EPB41L2: variants seen among roughly 807,000 people sequenced by gnomAD.
The protein encoded by EPB41L2 is erythrocyte membrane protein band 4.1 like 2.
In EPB41L2, 43 loss-of-function variants were observed where a neutral mutation model predicts 113.0. The ratio of observed to expected loss-of-function variants is 0.38; its 90% CI spans 0.30 to 0.49. The LOEUF (loss-of-function observed/expected upper bound fraction) is 0.49. Ranked by LOEUF, EPB41L2 falls within the 20% of genes least tolerant of loss-of-function variation. EPB41L2 has a pLI of 0.95. For synonymous variants in EPB41L2, 442 were observed against 436.7 expected (o/e 1.01, Z -0.15); for missense variants, 1,147 against 1,223.4 (o/e 0.94, Z 0.93).
chr6:131,051,143 C>T (rs1796431951), intron 1 of EPB41L2, among the ~76,000 whole-genome samples: 1 of 151,838 alleles, frequency 6.6e-6, no homozygotes, highest in Non-Finnish European at 1.5e-5. Flanking sequence ...GCTTCTTGAC[C>T]AATAACATAT....
intron 3 of EPB41L2, among the ~76,000 whole-genome samples, chr6:130,949,347 A>AC (rs1479650872): frequency 6.6e-6 from 1 of 152,188 alleles, no homozygotes; most frequent in Non-Finnish European, 1.5e-5. Flanking sequence ...CATGCCTGTA[A>AC]TCCCAGCACC....
intron 3 of EPB41L2, among the ~76,000 whole-genome samples, chr6:130,950,215 T>C (rs1301976875): frequency 1.3e-5 from 2 of 152,060 alleles, no homozygotes; most frequent in African/African-American, 4.8e-5. Flanking sequence ...AGCACAGTTA[T>C]CCCAAAGAAA....
intron 14 of EPB41L2, among the ~76,000 whole-genome samples, chr6:130,873,291 C>CATTAAAGCAAATTTAACT (rs1786351805): frequency 6.6e-6 from 1 of 152,098 alleles, no homozygotes; most frequent in East Asian, 1.9e-4. Flanking sequence ...TAAATTAAAC[C>CATTAAAGCAAATTTAACT]ATTAAAGCAA....
At chr6:130,894,534 C>T (rs2128486457) in intron 9 of EPB41L2, 93 bp from the exon 10 acceptor site, 1 of 1,109,608 alleles carries the variant, frequency 9.0e-7, no homozygotes, top group Non-Finnish European at 1.4e-6. Flanking sequence ...CTGTGAGAAG[C>T]AATTATTCTT....
At chr6:130,845,033 C>T (rs12208421) in intron 19 of EPB41L2, among the ~76,000 whole-genome samples, 8,423 of 152,304 alleles carry the variant, frequency 0.055, 317 homozygotes, top group Non-Finnish European at 0.084. Context: ...CAGAACGAGA[C>T]TGTCTCAAAT....
At chr6:130,973,891 C>G (rs1482373239) in intron 1 of EPB41L2, among the ~76,000 whole-genome samples, 1 of 152,126 alleles carries the variant, frequency 6.6e-6, no homozygotes, top group African/African-American at 2.4e-5. Flanking sequence ...CACTTTCAAC[C>G]TTTTTTCTGA....
intron 11 of EPB41L2, among the ~76,000 whole-genome samples, chr6:130,890,089 G>A (rs1792292724): frequency 6.6e-6 from 1 of 152,012 alleles, no homozygotes; most frequent in Non-Finnish European, 1.5e-5. Context: ...AAAAAAGTGT[G>A]ACAGCTTCAA....
At chr6:130,924,305 A>G (rs1803883086) in intron 4 of EPB41L2, among the ~76,000 whole-genome samples, 1 of 152,242 alleles carries the variant, frequency 6.6e-6, no homozygotes, top group African/African-American at 2.4e-5. Context: ...AAACATGGGT[A>G]AACAAATATC....
At chr6:130,889,672 C>T (rs758877413) in intron 11 of EPB41L2, among the ~76,000 whole-genome samples, 7 of 151,966 alleles carry the variant, frequency 4.6e-5, no homozygotes, top group Non-Finnish European at 8.8e-5. Context: ...TGCTACCATA[C>T]GAAAAAATCC....
chr6:131,030,832 T>C (rs998841617), intron 1 of EPB41L2, among the ~76,000 whole-genome samples: 1 of 151,968 alleles, frequency 6.6e-6, no homozygotes, highest in Non-Finnish European at 1.5e-5. Flanking sequence ...TCCCAGCACT[T>C]TGGGAGGCCA....
intron 18 of EPB41L2, among the ~76,000 whole-genome samples, chr6:130,859,085 G>A (rs936126606): frequency 1.3e-5 from 2 of 152,224 alleles, no homozygotes; most frequent in Admixed American, 1.3e-4. Flanking sequence ...TGTTTTATCA[G>A]AAAGTAAACT....
chr6:130,847,562 G>A (rs1466486701), intron 19 of EPB41L2, among the ~76,000 whole-genome samples: 1 of 152,104 alleles, frequency 6.6e-6, no homozygotes, highest in Non-Finnish European at 1.5e-5. Flanking sequence ...TATATCTTTA[G>A]GAAGAAGCAC....
intron 1 of EPB41L2, among the ~76,000 whole-genome samples, chr6:130,963,899 AT>A (rs1774272636): frequency 6.6e-6 from 1 of 152,232 alleles, no homozygotes; most frequent in South Asian, 2.1e-4. Context: ...TCATCAATCA[AT>A]TATGCACACT....
chr6:130,987,695 A>AAATGAATGAATG (rs3031721), intron 1 of EPB41L2, among the ~76,000 whole-genome samples: 14 of 148,324 alleles, frequency 9.4e-5, no homozygotes, highest in Admixed American at 5.4e-4. Context: ...TCTGTCTCAT[A>AAATGAATGAATG]AATGAATGAA....
chr6:130,944,877 C>T (rs1250535668), intron 3 of EPB41L2, among the ~76,000 whole-genome samples: 1 of 152,196 alleles, frequency 6.6e-6, no homozygotes, highest in Non-Finnish European at 1.5e-5. Context: ...GGCTCTGCTG[C>T]TGTGAGCTCC....
chr6:130,997,184 A>T (rs182777858), intron 1 of EPB41L2, among the ~76,000 whole-genome samples: 1 of 152,220 alleles, frequency 6.6e-6, no homozygotes. Context: ...TAAAAGAATG[A>T]AAGGAATTTC....
chr6:130,950,855 T>G (rs1407135416), intron 3 of EPB41L2, among the ~76,000 whole-genome samples: 1 of 152,182 alleles, frequency 6.6e-6, no homozygotes, highest in South Asian at 2.1e-4. Flanking sequence ...TAATGTAGAT[T>G]ACAACATTAG....
At chr6:130,915,235 G>A (rs1220521882) in intron 4 of EPB41L2, among the ~76,000 whole-genome samples, 3 of 151,840 alleles carry the variant, frequency 2.0e-5, no homozygotes, top group South Asian at 2.1e-4. Flanking sequence ...CCCGGGAGGC[G>A]GAGCTTGCAG....
intron 1 of EPB41L2, among the ~76,000 whole-genome samples, chr6:131,005,468 C>T (rs939414592): frequency 1.3e-5 from 2 of 152,170 alleles, no homozygotes; most frequent in African/African-American, 4.8e-5. Flanking sequence ...ACCTCTGGGC[C>T]ATGCTTTTCC....
Sources: allele counts gnomAD v4.1 joint callset (sites outside exome capture counted in the v4.1 genomes callset), GRCh38; gene constraint gnomAD v4.1.1; transcripts MANE v1.5; gene names NCBI Gene and HGNC (gene_info 2026-07-23, HGNC 2026-07-21).